C3orf49: variants seen among roughly 807,000 people sequenced by gnomAD.
C3orf49 encodes the protein putative uncharacterized protein C3orf49.
C3orf49 carries 27 observed loss-of-function variants against 13.3 expected under a neutral mutation model. The ratio of observed to expected loss-of-function variants is 2.02; its 90% CI spans 1.49 to 2.79. The LOEUF (loss-of-function observed/expected upper bound fraction) is 2.79. C3orf49 is among the 30% of genes most tolerant of loss of function. The probability of loss-of-function intolerance (pLI) is 0.00; values close to 1 mark genes in which losing one functional copy is unlikely to be tolerated. For missense variants in C3orf49, 242 were observed against 134.2 expected (o/e 1.80, Z -3.97); for synonymous variants, 87 against 47.6 (o/e 1.83, Z -3.40).
chr3:63,831,734 A>G lies in C3orf49; in HGVS notation c.739A>G (p.Arg247Gly), dbSNP rs1701534138. The change falls in exon 5 of 7, where the codon AGA (arginine) becomes GGA (glycine). Residue 247 changes from arginine (R) to glycine (G), a missense_variant. Physicochemically the swap from Arg to Gly is moderately radical, Grantham distance 125 (BLOSUM62 -2). Coordinates refer to ENST00000295896, the MANE Select transcript of C3orf49 (RefSeq NM_001355236.2). Reference sequence around the variant, plus strand: ...TAAATCCATGAAGCTACTGGCCCAAAGACATGCTGAGCTTCAACAGTGTGA... The same window carrying G: ...TAAATCCATGAAGCTACTGGCCCAAGGACATGCTGAGCTTCAACAGTGTGA... Reference protein sequence around the residue: ...TDKSMKLLAQRHAELQQCEFL... With the variant: ...TDKSMKLLAQGHAELQQCEFL... 1.4e-6 allele frequency: 1 copy of G among 703,018 alleles called. No homozygotes were observed. The highest frequency in any genetic ancestry group is 2.0e-5 in the Admixed American group (1 of 49,994). The allele number at this position is 703,018 out of a possible 1,614,324, so 43.5% of individuals were successfully genotyped here. A position where few individuals can be genotyped will look rare whatever the true frequency, so the allele number is the denominator to read the frequency against.
intron 1 of C3orf49, 37 bp from the exon 2 acceptor site, chr3:63,823,213 C>T: frequency 1.6e-6 from 1 of 617,182 alleles, no homozygotes; most frequent in Non-Finnish European, 2.9e-6. Flanking sequence ...TTTAACTTTT[C>T]AGTTTCCCTA....
chr3:63,792,671 G>A, the C3orf49 span, among the ~76,000 whole-genome samples: 3 of 152,184 alleles, frequency 2.0e-5, no homozygotes, highest in Non-Finnish European at 2.9e-5. Context: ...GCCTGTTTAC[G>A]TGAAGGAAGA....
At chr3:63,797,123 T>C in the C3orf49 span, among the ~76,000 whole-genome samples, 1 of 152,108 alleles carries the variant, frequency 6.6e-6, no homozygotes, top group South Asian at 2.1e-4. Flanking sequence ...TTCATTCCAC[T>C]CTCATTTTGT....
chr3:63,840,370 T>C (rs1451768929), intron 5 of C3orf49, among the ~76,000 whole-genome samples: 3 of 152,068 alleles, frequency 2.0e-5, no homozygotes, highest in Admixed American at 2.0e-4. Flanking sequence ...TAAGGGAGTA[T>C]CACTTGAGCC....
chr3:63,844,506 T>C (rs1701844256), intron 5 of C3orf49, among the ~76,000 whole-genome samples: 1 of 152,076 alleles, frequency 6.6e-6, no homozygotes. Flanking sequence ...AATAAATACA[T>C]AAAAAAGAAG....
chr3:63,790,356 T>G, the C3orf49 span, among the ~76,000 whole-genome samples: 1 of 152,258 alleles, frequency 6.6e-6, no homozygotes, highest in Admixed American at 6.5e-5. Flanking sequence ...GGAATGTGAA[T>G]TTCTAACAGG....
At chr3:63,825,629 A>G (rs575035222) in intron 2 of C3orf49, among the ~76,000 whole-genome samples, 63 of 152,224 alleles carry the variant, frequency 4.1e-4, no homozygotes, top group Non-Finnish European at 7.2e-4. Flanking sequence ...TTTAGGATGT[A>G]GCTCAAACAT....
chr3:63,832,062 CGG>C, intron 5 of C3orf49: 1 of 434,874 alleles, frequency 2.3e-6, no homozygotes, highest in Non-Finnish European at 4.1e-6. Flanking sequence ...GGAGTGGTGG[CGG>C]GCGCCTCTAA....
the C3orf49 span, among the ~76,000 whole-genome samples, chr3:63,788,728 T>TAA: frequency 7.9e-5 from 11 of 139,826 alleles, no homozygotes; most frequent in African/African-American, 2.6e-4. Context: ...TATTACAATT[T>TAA]AAAAAAAAAA....
chr3:63,788,703 T>G, the C3orf49 span, among the ~76,000 whole-genome samples: 1 of 150,976 alleles, frequency 6.6e-6, no homozygotes, highest in South Asian at 2.1e-4. Flanking sequence ...CGGAGGAAGA[T>G]CCTATTATTA....
intron 6 of C3orf49, among the ~76,000 whole-genome samples, chr3:63,845,430 C>A (rs976611825): frequency 6.6e-6 from 1 of 152,068 alleles, no homozygotes; most frequent in African/African-American, 2.4e-5. Context: ...GACAGAAATA[C>A]GGGTTGCATC....
chr3:63,831,248 T>A (rs1701528441), intron 4 of C3orf49, 25 bp downstream of exon 4: 1 of 697,762 alleles, frequency 1.4e-6, no homozygotes, highest in Non-Finnish European at 2.6e-6. Context: ...CTTTTAACTT[T>A]TGAGTCTCAG....
the C3orf49 span, among the ~76,000 whole-genome samples, chr3:63,804,771 C>T: frequency 0.01 from 1,547 of 152,258 alleles, 19 homozygotes; most frequent in African/African-American, 0.034. Flanking sequence ...TGGGTATATT[C>T]ACTTGATCAG....
At chr3:63,811,587 C>CA in the C3orf49 span, among the ~76,000 whole-genome samples, 26 of 140,888 alleles carry the variant, frequency 1.8e-4, no homozygotes, top group Middle Eastern at 3.9e-3. Context: ...AAAAAAAAAA[C>CA]AAAAAAAAAT....
chr3:63,815,458 AT>A (rs1007593714), upstream of C3orf49, among the ~76,000 whole-genome samples: 5 of 152,176 alleles, frequency 3.3e-5, no homozygotes, highest in Non-Finnish European at 5.9e-5. Flanking sequence ...ACACAGCAAC[AT>A]TTTAAAAACG....
chr3:63,806,262 G>A, the C3orf49 span, among the ~76,000 whole-genome samples: 2 of 152,176 alleles, frequency 1.3e-5, no homozygotes, highest in South Asian at 2.1e-4. Context: ...TGCCCCTGGC[G>A]CTAACACGCT....
chr3:63,837,932 T>A (rs779790194), intron 5 of C3orf49: 1 of 1,531,364 alleles, frequency 6.5e-7, no homozygotes, highest in Non-Finnish European at 8.9e-7. Context: ...AAAACTGTAG[T>A]CAGTAATAAT....
At chr3:63,800,612 G>C in the C3orf49 span, among the ~76,000 whole-genome samples, 1 of 151,932 alleles carries the variant, frequency 6.6e-6, no homozygotes, top group African/African-American at 2.4e-5. Context: ...TAACATCACT[G>C]GTGACTTTAT....
chr3:63,781,271 C>G, the C3orf49 span, among the ~76,000 whole-genome samples: 136 of 151,170 alleles, frequency 9.0e-4, no homozygotes, highest in Non-Finnish European at 1.5e-3. Flanking sequence ...GCTTGTTTTT[C>G]TCAGGTTTGT....
Sources: gnomAD v4.1 joint callset for allele counts (sites outside exome capture counted in the v4.1 genomes callset) on GRCh38, gnomAD v4.1.1 for gene constraint, MANE v1.5 for transcripts, NCBI Gene and HGNC (gene_info 2026-07-23, HGNC 2026-07-21) for gene names.